The following PLEKHG2 variants were observed in gnomAD, a reference collection of about 807,000 sequenced individuals.
The protein encoded by PLEKHG2 is pleckstrin homology and RhoGEF domain containing G2, also known as pleckstrin homology domain-containing family G member 2.
PLEKHG2 carries 71 observed loss-of-function variants against 104.4 expected under a neutral mutation model. The observed-to-expected ratio is 0.68, with a 90% CI of 0.56 to 0.83. The LOEUF is 0.83. PLEKHG2 is among the 40% of genes least tolerant of loss of function. The pLI is 0.00. For missense variants in PLEKHG2, 1,730 were observed against 1,809.4 expected (o/e 0.96, Z 0.80); for synonymous variants, 728 against 737.0 (o/e 0.99, Z 0.20).
At chr19:39,419,743 G>A (rs2078667819) in intron 11 of PLEKHG2, among the ~76,000 whole-genome samples, 1 of 152,166 alleles carries the variant, frequency 6.6e-6, no homozygotes, top group Non-Finnish European at 1.5e-5. Context: ...CAGGCGTGGT[G>A]GCAGGTGCCC....
chr19:39,422,631 C>T lies in PLEKHG2; in HGVS notation c.1678-101C>T, dbSNP rs374879232. Reference sequence around the variant, plus strand: ...CTCGAACTCGTAACCTCAAGTGACCCGCCCACTTCAGCCTCCCAAAGTGCT... The same window carrying T: ...CTCGAACTCGTAACCTCAAGTGACCTGCCCACTTCAGCCTCCCAAAGTGCT... On this transcript the variant is annotated intron_variant, in intron 17 of 18. Transcript: ENST00000425673. 761 of 1,414,696 alleles carry T rather than the reference C, an allele frequency of 5.4e-4. 12 individuals are homozygous for T. The South Asian group carries it at 0.012, about 22-fold the overall frequency. The allele number at this position is 1,414,696 out of a possible 1,614,324, so 87.6% of individuals were successfully genotyped here.
rs1269450614 is a variant in PLEKHG2 at position 39,413,343 on chromosome 19, C to T, written c.-92C>T. On this transcript the variant is annotated 5_prime_UTR_variant, in exon 1 of 19. Transcript: ENST00000425673. This position sits in a 1 kb window ranked among gnomAD's most constrained non-coding sequence, Gnocchi z 4.5. ...GCCCCTGAGTCTGGGCTCCGCACCT[C>T]CCTGGGGACCGCGTCGGGGTCGCGC... 6.6e-6 allele frequency: 1 copy of T among 152,278 alleles called. No individual in the cohort carries two copies. Among genetic ancestry groups the T allele is most frequent in the Admixed American group, 6.5e-5 (1 of 15,284 alleles). The allele number at this position is 152,278 out of a possible 1,614,324, so 9.4% of individuals were successfully genotyped here. A position where few individuals can be genotyped will look rare whatever the true frequency, so the allele number is the denominator to read the frequency against.
At chr19:39,417,067 C>T (rs2078617864) in intron 7 of PLEKHG2, 67 bp downstream of exon 7, 5 of 1,500,384 alleles carry the variant, frequency 3.3e-6, no homozygotes, top group Non-Finnish European at 4.5e-6. Context: ...CCTGTTGGTT[C>T]ATCTGGAGGA....
rs1376604926 is a variant in PLEKHG2, at chr19:39,423,636, A to C, written c.2582A>C (p.Gln861Pro). The change falls in exon 18 of 19, where the codon CAG (glutamine) becomes CCG (proline). Residue 861 changes from glutamine (Q) to proline (P), a missense_variant. Transcript: ENST00000425673. ...AQPQPSPCLP[Q>P]EQAEPGLLPA... ...CCCCAGCCATCCCCCTGTCTGCCCC[A>C]GGAGCAGGCAGAGCCAGGTGAGGTC... 1.3e-6 allele frequency: 2 copies of C among 1,537,924 alleles called. No homozygotes were observed. Among genetic ancestry groups the C allele is most frequent in the African/African-American group, 2.8e-5 (2 of 72,532 alleles).
intron 7 of PLEKHG2, 69 bp from the exon 8 acceptor site, chr19:39,417,486 T>C (rs1269081308): frequency 2.6e-6 from 4 of 1,565,926 alleles, no homozygotes; most frequent in Non-Finnish European, 2.6e-6. Context: ...CCATCTCCTG[T>C]TATTCTCATT....
chr19:39,423,855 C>A lies in PLEKHG2; in HGVS notation c.2722C>A (p.Gln908Lys). ...WVQAAIPLSK[Q>K]GGSPDGQGLH... Reference sequence around the variant, plus strand: ...TCAAGCTGCCATACCTTTGTCAAAGCAGGGAGGCAGCCCGGATGGCCAGGG... The same window carrying A: ...TCAAGCTGCCATACCTTTGTCAAAGAAGGGAGGCAGCCCGGATGGCCAGGG... Residue 908 changes from glutamine (Q) to lysine (K), a missense_variant, in exon 19 of 19, where the codon CAG becomes AAG. Transcript: ENST00000425673. The A allele has an allele frequency of 6.2e-7, 1 of 1,614,200 alleles. No individual in the cohort carries two copies. The highest frequency in any genetic ancestry group is 8.5e-7 in the Non-Finnish European group (1 of 1,180,040).
Position 39,412,697 on chromosome 19 carries a change from C to T in PLEKHG2, c.-738C>T, listed in dbSNP as rs966274429. 4 of 152,272 alleles carry T rather than the reference C, an allele frequency of 2.6e-5. No individual in the cohort carries two copies. Among genetic ancestry groups the T allele is most frequent in the Admixed American group, 6.5e-5 (1 of 15,284 alleles). 9.4% of individuals were successfully genotyped at this position (152,272 alleles called of 1,614,324 possible). ...TGTGGCGCCGCCGCCGTCACACGAG[C>T]CCCGTGACACCCAGCCGGGAGCCCG... On this transcript the variant is annotated 5_prime_UTR_variant, in exon 1 of 19. Coordinates refer to ENST00000425673, the MANE Select transcript of PLEKHG2 (RefSeq NM_022835.3).
In PLEKHG2 at chr19:39,424,329, G is replaced by A; in HGVS notation, c.3196G>A (p.Gly1066Ser). ...GCAAGGAGGTTCCAGGGATGTTCAG[G>A]GCCCAGACCCTGTCTGCAGTCAACC... ...TKQGGSRDVQ[G>S]PDPVCSQPIQ... Residue 1066 changes from glycine (G) to serine (S), a missense_variant, in exon 19 of 19, where the codon GGC becomes AGC. Physicochemically the swap from Gly to Ser is moderately conservative, Grantham distance 56 (BLOSUM62 0). Transcript: ENST00000425673. 1 of 1,614,082 alleles carries A rather than the reference G, an allele frequency of 6.2e-7. No homozygotes were observed. Among genetic ancestry groups the A allele is most frequent in the Non-Finnish European group, 8.5e-7 (1 of 1,180,010 alleles).
At position 39,424,803 on chromosome 19, in the gene PLEKHG2, C is replaced by G; in HGVS notation, c.3670C>G (p.Gln1224Glu). The G allele has an allele frequency of 1.2e-6, 2 of 1,614,196 alleles. No individual in the cohort carries two copies. Among genetic ancestry groups the G allele is most frequent in the South Asian group, 2.2e-5 (2 of 91,082 alleles). Residue 1224 changes from glutamine to glutamate, a missense_variant, in exon 19 of 19, where the codon CAG becomes GAG. Gln to Glu is a conservative substitution (Grantham distance 29). Coordinates refer to ENST00000425673, the MANE Select transcript of PLEKHG2 (RefSeq NM_022835.3). ...LPERGGSLDI[Q>E]GLSPTPVQTT... ...TGAGAGAGGAGGCTCTCTAGACATT[C>G]AGGGCCTCTCACCCACCCCAGTTCA...
In PLEKHG2 at chr19:39,422,181, C is replaced by G. The variant is rs540027705; in HGVS notation, c.1570C>G (p.Pro524Ala). The change falls in exon 17 of 19, where the codon CCT (proline) becomes GCT (alanine). Residue 524 changes from proline (P) to alanine (A), a missense_variant. By Grantham distance (27) the Pro-to-Ala change is conservative. Coordinates refer to ENST00000425673, the MANE Select transcript of PLEKHG2 (RefSeq NM_022835.3). Reference protein sequence around the residue: ...SQPPVSGSAPPEDLEDAGPPT... With the variant: ...SQPPVSGSAPAEDLEDAGPPT... The stretch of plus-strand genomic sequence containing the variant: ...GCCACCAGTTTCAGGCTCTGCACCC[C>G]CTGAGGACCTGGAGGATGCTGGACC... 161 of 1,613,942 alleles carry G rather than the reference C, an allele frequency of 1.0e-4. 1 individual carries two copies. The South Asian group carries it at 1.5e-3, about 15-fold the overall frequency.
At chr19:39,414,916 G>T (rs1332683361) in intron 2 of PLEKHG2, 76 bp from the exon 3 acceptor site, 1 of 1,460,094 alleles carries the variant, frequency 6.8e-7, no homozygotes, top group African/African-American at 1.4e-5. Flanking sequence ...GTGAGGGTGT[G>T]GGCTGAACGC....
chr19:39,423,325 T>G lies in PLEKHG2; in HGVS notation c.2271T>G (p.Asp757Glu), dbSNP rs1237688434. Residue 757 changes from aspartate to glutamate, a missense_variant, in exon 18 of 19, where the codon GAT becomes GAG. By Grantham distance (45) the Asp-to-Glu change is conservative. Transcript: ENST00000425673. ...QDVTQHQGFP[D>E]ELAFRSCSEI... ...TCACCCAACATCAGGGATTCCCAGA[T>G]GAGCTGGCATTCCGCTCTTGCTCAG... 2 of 1,614,066 alleles carry G rather than the reference T, an allele frequency of 1.2e-6. No homozygotes were observed. The highest frequency in any genetic ancestry group is 2.2e-5 in the South Asian group (2 of 91,088).
intron 11 of PLEKHG2, among the ~76,000 whole-genome samples, chr19:39,419,261 G>T (rs1374879983): frequency 6.6e-6 from 1 of 152,182 alleles, no homozygotes; most frequent in Non-Finnish European, 1.5e-5. Flanking sequence ...GGGTTGTGGT[G>T]ATGAGTAATG....
At chr19:39,421,231 T>C in intron 15 of PLEKHG2, 52 bp from the exon 16 acceptor site, 1 of 1,613,108 alleles carries the variant, frequency 6.2e-7, no homozygotes, top group Non-Finnish European at 8.5e-7. Context: ...AATCACTCTT[T>C]TTCCCTTACA....
intron 11 of PLEKHG2, among the ~76,000 whole-genome samples, chr19:39,419,443 T>C (rs796374301): frequency 6.6e-5 from 10 of 152,256 alleles, no homozygotes; most frequent in African/African-American, 2.4e-4. Context: ...AAAAACATTT[T>C]TTAATTAGCT....
intron 2 of PLEKHG2, among the ~76,000 whole-genome samples, chr19:39,414,506 G>T (rs2078570244): frequency 6.6e-6 from 1 of 152,206 alleles, no homozygotes; most frequent in Non-Finnish European, 1.5e-5. Flanking sequence ...TATTCTACAT[G>T]CAAGGAACAG....
At position 39,425,204 on chromosome 19, in the gene PLEKHG2, G is replaced by T; in HGVS notation, c.4071G>T (p.Arg1357=). 1.2e-6 allele frequency: 2 copies of T among 1,612,744 alleles called. No individual in the cohort carries two copies. The highest frequency in any genetic ancestry group is 2.2e-5 in the South Asian group (2 of 91,024). ...TGCGGCCAGCCAAGGCCCAGGTCCG[G>T]TTGAACCACCCTGCTCTCTTGGCCT... ...GRLRPAKAQV[R]LNHPALLAST... is the part of the protein sequence containing the mutation. The change falls in exon 19 of 19, where the codon CGG becomes CGT. Residue 1357 remains arginine, a synonymous_variant. Transcript: ENST00000425673.
At position 39,423,068 on chromosome 19, in the gene PLEKHG2, C is replaced by T. The variant is rs748600217; in HGVS notation, c.2014C>T (p.Pro672Ser). ...CGATGTTTTTGAGATGCCCTGCCTT[C>T]CAGCCATACCTAGTGTCCCCAACAC... ...ISDVFEMPCLPAIPSVPNTPS... is the reference protein window; with the variant it reads ...ISDVFEMPCLSAIPSVPNTPS... The change falls in exon 18 of 19, where the codon CCA becomes TCA. Residue 672 changes from proline (P) to serine (S), a missense_variant. By Grantham distance (74) the Pro-to-Ser change is moderately conservative. Coordinates refer to ENST00000425673, the MANE Select transcript of PLEKHG2 (RefSeq NM_022835.3). 6.2e-7 allele frequency: 1 copy of T among 1,614,098 alleles called. No individual in the cohort carries two copies. The highest frequency in any genetic ancestry group is 8.5e-7 in the Non-Finnish European group (1 of 1,180,046).
chr19:39,422,199 G>C lies in PLEKHG2; in HGVS notation c.1588G>C (p.Ala530Pro). Reference sequence around the variant, plus strand: ...TGCACCCCCTGAGGACCTGGAGGATGCTGGACCCCCAACACTGGACCCCTC... The same window carrying C: ...TGCACCCCCTGAGGACCTGGAGGATCCTGGACCCCCAACACTGGACCCCTC... The part of the protein sequence containing the change: ...GSAPPEDLED[A>P]GPPTLDPSGT... The change falls in exon 17 of 19, where the codon GCT becomes CCT. Residue 530 changes from alanine (A) to proline (P), a missense_variant. Coordinates refer to ENST00000425673, the MANE Select transcript of PLEKHG2 (RefSeq NM_022835.3). 6.2e-7 allele frequency: 1 copy of C among 1,613,894 alleles called. No individual in the cohort carries two copies. Among genetic ancestry groups the C allele is most frequent in the Non-Finnish European group, 8.5e-7 (1 of 1,179,922 alleles).
Sources: allele counts gnomAD v4.1 joint callset (sites outside exome capture counted in the v4.1 genomes callset), GRCh38; gene constraint gnomAD v4.1.1; non-coding constraint Gnocchi (gnomAD v3.1); transcripts MANE v1.5; gene names NCBI Gene and HGNC (gene_info 2026-07-23, HGNC 2026-07-21).